Variants in STARD13 observed in about 807,000 individuals in gnomAD.
STARD13 encodes stAR-related lipid transfer protein 13.
In STARD13, 62 loss-of-function variants were observed where a neutral mutation model predicts 106.4. The observed-to-expected ratio is 0.58, with a 90% CI of 0.48 to 0.72. The LOEUF is 0.72. Ranked by LOEUF, STARD13 falls within the 30% of genes least tolerant of loss-of-function variation. The pLI is 0.00. For synonymous variants in STARD13, 565 were observed against 553.0 expected (o/e 1.02, Z -0.31); for missense variants, 1,387 against 1,424.0 (o/e 0.97, Z 0.42).
chr13:33,251,475 G>A (rs967719083), intron 1 of STARD13, among the ~76,000 whole-genome samples: 8 of 152,160 alleles, frequency 5.3e-5, no homozygotes, highest in African/African-American at 1.9e-4. Flanking sequence ...AGAAAACCAT[G>A]TGCATTCAGT....
At chr13:33,675,890 G>A in the STARD13 span, among the ~76,000 whole-genome samples, 1 of 152,108 alleles carries the variant, frequency 6.6e-6, no homozygotes, top group African/African-American at 2.4e-5. Flanking sequence ...CTAGCTAAAA[G>A]CATCGAGTAT....
the STARD13 span, among the ~76,000 whole-genome samples, chr13:33,457,747 G>A: frequency 6.6e-6 from 1 of 152,138 alleles, no homozygotes; most frequent in South Asian, 2.1e-4. Flanking sequence ...ATCTTTTTGG[G>A]GCCTCTTTTA....
the STARD13 span, among the ~76,000 whole-genome samples, chr13:33,573,510 C>A: frequency 6.6e-6 from 1 of 152,096 alleles, no homozygotes; most frequent in Non-Finnish European, 1.5e-5. Context: ...ACAGATAACA[C>A]AAATTACATG....
At chr13:33,633,000 C>T in the STARD13 span, among the ~76,000 whole-genome samples, 1 of 152,082 alleles carries the variant, frequency 6.6e-6, no homozygotes, top group Non-Finnish European at 1.5e-5. Flanking sequence ...GTCACTAGAC[C>T]AGGCTGTTAT....
the STARD13 span, among the ~76,000 whole-genome samples, chr13:33,568,485 T>C: frequency 2.7e-5 from 4 of 148,172 alleles, 1 homozygote; most frequent in African/African-American, 9.9e-5. Flanking sequence ...GTCCCAGGGA[T>C]ATCAAATGTT....
At chr13:33,112,664 T>G (rs1365219126) in intron 9 of STARD13, 57 bp downstream of exon 9, 15 of 1,382,496 alleles carry the variant, frequency 1.1e-5, no homozygotes, top group Non-Finnish European at 1.5e-5. Flanking sequence ...TCCAGTCTTA[T>G]GAACTGTGGG....
At chr13:33,157,256 G>A (rs556076806) in intron 3 of STARD13, among the ~76,000 whole-genome samples, 9 of 152,038 alleles carry the variant, frequency 5.9e-5, no homozygotes, top group African/African-American at 2.2e-4. Flanking sequence ...AATCCTAACC[G>A]ATTCCTTAGC....
intron 13 of STARD13, among the ~76,000 whole-genome samples, chr13:33,106,043 C>A (rs543127398): frequency 6.6e-6 from 1 of 152,336 alleles, no homozygotes; most frequent in Non-Finnish European, 1.5e-5. Context: ...GGTTTAGCAT[C>A]ATGAATGCCT....
At chr13:33,605,884 G>T in the STARD13 span, among the ~76,000 whole-genome samples, 13 of 152,176 alleles carry the variant, frequency 8.5e-5, no homozygotes, top group African/African-American at 3.1e-4. Flanking sequence ...TTAGTTAGAT[G>T]ACTAATGTGC....
the STARD13 span, among the ~76,000 whole-genome samples, chr13:33,586,799 C>T: frequency 6.6e-6 from 1 of 152,160 alleles, no homozygotes; most frequent in African/African-American, 2.4e-5. Flanking sequence ...TGTGAAACTC[C>T]CCTGCCCCAT....
At chr13:33,280,001 G>C (rs1268141435) in intron 1 of STARD13, 2 of 152,006 alleles carry the variant, frequency 1.3e-5, no homozygotes, top group East Asian at 3.9e-4. Flanking sequence ...CAGAACTTGA[G>C]CAATACATGA....
chr13:33,332,315 C>G (rs911753831), intron 1 of STARD13, among the ~76,000 whole-genome samples: 1 of 152,186 alleles, frequency 6.6e-6, no homozygotes, highest in Non-Finnish European at 1.5e-5. Flanking sequence ...CCAGAGAGTT[C>G]TTTTGCAACG....
chr13:33,231,867 G>T (rs1206116244), intron 1 of STARD13, among the ~76,000 whole-genome samples: 1 of 152,174 alleles, frequency 6.6e-6, no homozygotes, highest in Non-Finnish European at 1.5e-5. Flanking sequence ...ATCCACAGGG[G>T]ATTGGTTCCA....
At chr13:33,496,404 A>C in the STARD13 span, among the ~76,000 whole-genome samples, 1 of 151,706 alleles carries the variant, frequency 6.6e-6, no homozygotes, top group East Asian at 1.9e-4. Context: ...TACTATTACT[A>C]TTATTAATTT....
At chr13:33,544,386 G>A in the STARD13 span, among the ~76,000 whole-genome samples, 1 of 152,328 alleles carries the variant, frequency 6.6e-6, no homozygotes, top group Middle Eastern at 3.4e-3. Context: ...CTGTGCCACT[G>A]CCTTTATTGA....
chr13:33,578,866 G>A, the STARD13 span, among the ~76,000 whole-genome samples: 1 of 151,962 alleles, frequency 6.6e-6, no homozygotes, highest in Non-Finnish European at 1.5e-5. Context: ...CTCAAAAGAA[G>A]ATATATAAAT....
chr13:33,627,998 C>T, the STARD13 span, among the ~76,000 whole-genome samples: 2 of 150,068 alleles, frequency 1.3e-5, no homozygotes, highest in South Asian at 2.1e-4. Flanking sequence ...CGGAGTCTCG[C>T]TCTGTTGCCA....
At chr13:33,343,375 G>C (rs1223474536) in intron 1 of STARD13, among the ~76,000 whole-genome samples, 2 of 151,072 alleles carry the variant, frequency 1.3e-5, no homozygotes, top group African/African-American at 4.9e-5. Flanking sequence ...AGGAGTTTGA[G>C]ACCAGACTGG....
At chr13:33,304,716 G>A (rs1368976504) in intron 1 of STARD13, among the ~76,000 whole-genome samples, 2 of 151,982 alleles carry the variant, frequency 1.3e-5, no homozygotes, top group Non-Finnish European at 2.9e-5. Flanking sequence ...GTACCCCCAC[G>A]AGACATTGCC....
Sources: gnomAD v4.1 joint callset for allele counts (sites outside exome capture counted in the v4.1 genomes callset) on GRCh38, gnomAD v4.1.1 for gene constraint, MANE v1.5 for transcripts, NCBI Gene and HGNC (gene_info 2026-07-23, HGNC 2026-07-21) for gene names.